The following NIPBL variants were observed in gnomAD, a reference collection of about 807,000 sequenced individuals.
The protein encoded by NIPBL is nipped-B-like protein.
Under a neutral mutation model 321.8 loss-of-function variants are expected in NIPBL, and 19 were observed. The observed-to-expected ratio is 0.06, with a 90% CI of 0.04 to 0.09. The LOEUF (loss-of-function observed/expected upper bound fraction) is 0.09, where lower values mean the gene tolerates loss of function less well. NIPBL is among the 10% of genes least tolerant of loss of function. The pLI, the probability that NIPBL is intolerant of heterozygous loss-of-function variation, is 1.00. For missense variants in NIPBL, 2,210 were observed against 3,327.0 expected (o/e 0.66, Z 8.26); for synonymous variants, 1,106 against 1,114.1 (o/e 0.99, Z 0.14).
At chr5:36,895,591 G>A (rs1746671957) in intron 1 of NIPBL, among the ~76,000 whole-genome samples, 1 of 152,144 alleles carries the variant, frequency 6.6e-6, no homozygotes, top group Non-Finnish European at 1.5e-5. Flanking sequence ...AATGTATGAA[G>A]GTTAGACTGT....
chr5:36,968,088 T>A (rs1371741911), intron 6 of NIPBL, among the ~76,000 whole-genome samples: 3 of 121,150 alleles, frequency 2.5e-5, no homozygotes, highest in Non-Finnish European at 4.8e-5. Context: ...AGAGTGAGAC[T>A]CTGTCTCAAA....
In NIPBL at chr5:36,953,886, C is replaced by T. The variant is rs899125956; in HGVS notation, c.64+126C>T. 3.1e-5 allele frequency: 25 copies of T among 794,700 alleles called. No individual in the cohort carries two copies. The South Asian group carries it at 3.8e-4, about 12-fold the overall frequency. 49.2% of individuals were successfully genotyped at this position (794,700 alleles called of 1,614,324 possible). A position where few individuals can be genotyped will look rare whatever the true frequency, so the allele number is the denominator to read the frequency against. ...TTACAGAAATAGCAACTGAAACTGC[C>T]CTTTAAAGAAAAAAAAAATTGATAG... On this transcript the variant is annotated intron_variant, in intron 2 of 46. Coordinates refer to ENST00000282516, the MANE Select transcript of NIPBL (RefSeq NM_133433.4).
At chr5:36,908,013 A>C (rs993925114) in intron 1 of NIPBL, among the ~76,000 whole-genome samples, 2 of 152,202 alleles carry the variant, frequency 1.3e-5, no homozygotes, top group South Asian at 2.1e-4. Context: ...GCTAACAACC[A>C]ATGCTGACAA....
chr5:37,034,787 A>G (rs1053918642), intron 32 of NIPBL, among the ~76,000 whole-genome samples: 2 of 152,266 alleles, frequency 1.3e-5, no homozygotes, highest in East Asian at 3.8e-4. Flanking sequence ...ATTGGGAGCT[A>G]CAAGATATTA....
chr5:36,942,475 A>G (rs1031422794), intron 1 of NIPBL, among the ~76,000 whole-genome samples: 1 of 143,672 alleles, frequency 7.0e-6, no homozygotes, highest in African/African-American at 2.6e-5. Context: ...TGCGGTGGCT[A>G]ACGCCTTGAA....
rs200692598 is a variant in NIPBL at position 36,962,125 on chromosome 5, G to A, written c.461G>A (p.Arg154Gln). The change falls in exon 6 of 47, where the codon CGG (arginine) becomes CAG (glutamine). Residue 154 changes from arginine (R) to glutamine (Q), a missense_variant and splice_region_variant. Coordinates refer to ENST00000282516, the MANE Select transcript of NIPBL (RefSeq NM_133433.4). Reference protein sequence around the residue: ...QTTISHSPSSRFVPPQTSSGN... With the variant: ...QTTISHSPSSQFVPPQTSSGN... Reference sequence around the variant, plus strand: ...TTTATTTGGGTTTTGGGTTTTAGCCGGTTTGTGCCACCACAGACAAGCTCT... The same window carrying A: ...TTTATTTGGGTTTTGGGTTTTAGCCAGTTTGTGCCACCACAGACAAGCTCT... 18 of 1,613,918 alleles carry A rather than the reference G, an allele frequency of 1.1e-5. No homozygotes were observed. The highest frequency in any genetic ancestry group is 3.3e-5 in the Admixed American group (2 of 60,002).
At chr5:37,007,633 TTTAAAA>T (rs1294570504) in intron 18 of NIPBL, among the ~76,000 whole-genome samples, 159 bp downstream of exon 18, 1 of 151,976 alleles carries the variant, frequency 6.6e-6, no homozygotes, top group African/African-American at 2.4e-5. Flanking sequence ...CTTCAGGAGT[TTTAAAA>T]AGACATTTTA....
intron 1 of NIPBL, among the ~76,000 whole-genome samples, chr5:36,916,604 A>C (rs1366351449): frequency 2.0e-5 from 3 of 151,798 alleles, no homozygotes; most frequent in Non-Finnish European, 4.4e-5. Context: ...GCACCCATTA[A>C]CTCGTCATTT....
chr5:36,944,516 A>C (rs1320514850), intron 1 of NIPBL, among the ~76,000 whole-genome samples: 1 of 152,154 alleles, frequency 6.6e-6, no homozygotes, highest in Non-Finnish European at 1.5e-5. Context: ...CCAGATTCCA[A>C]ATGGCTAACA....
intron 1 of NIPBL, among the ~76,000 whole-genome samples, chr5:36,932,295 A>G (rs1417563732): frequency 1.3e-5 from 2 of 152,076 alleles, no homozygotes; most frequent in South Asian, 2.1e-4. Context: ...TTTTTACATC[A>G]TTGTTAATTT....
intron 1 of NIPBL, chr5:36,885,934 C>T (rs1209111560): frequency 5.4e-6 from 4 of 736,716 alleles, no homozygotes; most frequent in African/African-American, 5.1e-5. Flanking sequence ...AATCTCAGGA[C>T]CTCGCCAAGA....
At chr5:37,034,454 G>A (rs1385703043) in intron 32 of NIPBL, among the ~76,000 whole-genome samples, 1 of 152,134 alleles carries the variant, frequency 6.6e-6, no homozygotes, top group Admixed American at 6.5e-5. Flanking sequence ...AGTGCTTATT[G>A]TACTAAAATT....
At chr5:36,900,251 T>G (rs1301188403) in intron 1 of NIPBL, among the ~76,000 whole-genome samples, 2 of 152,206 alleles carry the variant, frequency 1.3e-5, no homozygotes, top group African/African-American at 4.8e-5. Flanking sequence ...GTATAAAAAC[T>G]ATGTAGCATT....
At position 36,957,996 on chromosome 5, in the gene NIPBL, A is replaced by C. The variant is rs1307782709; in HGVS notation, c.231-108A>C. ...GAGACTTCGTCTCAAAAAAAAAAAA[A>C]AAAAATTCATATTGTTGGCCATACC... On this transcript the variant is annotated intron_variant, in intron 3 of 46. Transcript: ENST00000282516. 3.3e-6 allele frequency: 4 copies of C among 1,199,952 alleles called. No individual in the cohort carries two copies. The African/African-American group carries it at 4.6e-5, about 14-fold the overall frequency. 74.3% of individuals were successfully genotyped at this position (1,199,952 alleles called of 1,614,324 possible). A position where few individuals can be genotyped will look rare whatever the true frequency, so the allele number is the denominator to read the frequency against.
chr5:36,954,010 G>C (rs1245702648), intron 2 of NIPBL, among the ~76,000 whole-genome samples: 1 of 152,068 alleles, frequency 6.6e-6, no homozygotes, highest in Non-Finnish European at 1.5e-5. Flanking sequence ...TTTACTCTAA[G>C]GACTTAAGAA....
intron 1 of NIPBL, chr5:36,885,104 C>A: frequency 3.3e-6 from 1 of 299,016 alleles, no homozygotes; most frequent in South Asian, 3.3e-5. Context: ...TATATATAAT[C>A]AGATAAGTTA....
chr5:36,980,798 T>G (rs1233781042), intron 9 of NIPBL, among the ~76,000 whole-genome samples: 2 of 151,816 alleles, frequency 1.3e-5, no homozygotes, highest in East Asian at 3.9e-4. Flanking sequence ...TTGAAAACTT[T>G]TGGAACTTAG....
At chr5:36,948,069 G>A (rs1027568291) in intron 1 of NIPBL, among the ~76,000 whole-genome samples, 2 of 151,812 alleles carry the variant, frequency 1.3e-5, no homozygotes, top group East Asian at 1.9e-4. Flanking sequence ...TGTAAAGTTG[G>A]TTCAGGCTTT....
At chr5:36,926,452 G>A (rs561252441) in intron 1 of NIPBL, among the ~76,000 whole-genome samples, 3 of 152,300 alleles carry the variant, frequency 2.0e-5, no homozygotes, top group South Asian at 4.1e-4. Context: ...CAAAAGGCTC[G>A]ATTCAGCGGA....
Sources: allele counts gnomAD v4.1 joint callset (sites outside exome capture counted in the v4.1 genomes callset), GRCh38; gene constraint gnomAD v4.1.1; transcripts MANE v1.5; gene names NCBI Gene and HGNC (gene_info 2026-07-23, HGNC 2026-07-21).